The following ADAMTS16 variants were observed in gnomAD, a reference collection of about 807,000 sequenced individuals.
The protein encoded by ADAMTS16 is A disintegrin and metalloproteinase with thrombospondin motifs 16.
In ADAMTS16, 94 loss-of-function variants were observed where a neutral mutation model predicts 145.8. The ratio of observed to expected loss-of-function variants is 0.64; its 90% CI spans 0.55 to 0.77. The LOEUF (loss-of-function observed/expected upper bound fraction) is 0.77, where lower values mean the gene tolerates loss of function less well. ADAMTS16 is among the 30% of genes least tolerant of loss of function. The probability of loss-of-function intolerance (pLI) is 0.00; values close to 1 mark genes in which losing one functional copy is unlikely to be tolerated. For missense variants in ADAMTS16, 1,585 were observed against 1,591.5 expected (o/e 1.00, Z 0.07); for synonymous variants, 659 against 604.3 (o/e 1.09, Z -1.33).
chr5:5,150,379 C>T (rs1734417587), intron 3 of ADAMTS16, among the ~76,000 whole-genome samples: 1 of 152,168 alleles, frequency 6.6e-6, no homozygotes, highest in African/African-American at 2.4e-5. Flanking sequence ...GGCTTTATTA[C>T]TTAGAGATAG....
At chr5:5,298,814 T>C (rs1311151303) in intron 18 of ADAMTS16, among the ~76,000 whole-genome samples, 1 of 152,208 alleles carries the variant, frequency 6.6e-6, no homozygotes, top group East Asian at 1.9e-4. Flanking sequence ...TGTCAGACCA[T>C]GTTGGCAGCT....
chr5:5,220,453 C>T lies in ADAMTS16; in HGVS notation c.1606-2336C>T, dbSNP rs937096691. On this transcript the variant is annotated intron_variant, in intron 10 of 22. Coordinates refer to ENST00000274181, the MANE Select transcript of ADAMTS16 (RefSeq NM_139056.4). ...GATTACAGGTGTGAGCCACCGCGCC[C>T]GGCCAATAATTTAACATTTTAAAAC... 1.2e-4 allele frequency among the ~76,000 whole-genome samples: 19 copies of T among 152,048 alleles called. No homozygotes were observed. In the South Asian group the frequency reaches 1.9e-3, roughly 15 times the overall value.
At chr5:5,176,440 G>C (rs1025790896) in intron 3 of ADAMTS16, among the ~76,000 whole-genome samples, 1 of 152,194 alleles carries the variant, frequency 6.6e-6, no homozygotes, top group Admixed American at 6.5e-5. Flanking sequence ...AGATTAGATT[G>C]TAGAGTTTGG....
intron 3 of ADAMTS16, among the ~76,000 whole-genome samples, chr5:5,150,797 G>C (rs1734432576): frequency 6.6e-6 from 1 of 152,160 alleles, no homozygotes; most frequent in African/African-American, 2.4e-5. Context: ...GTTTTTTGTT[G>C]TTTTACTTTC....
At chr5:5,145,180 T>C (rs1015847753) in intron 2 of ADAMTS16, among the ~76,000 whole-genome samples, 6 of 152,222 alleles carry the variant, frequency 3.9e-5, no homozygotes, top group African/African-American at 1.4e-4. Context: ...AAATACGTCT[T>C]TCCCATTTAT....
At chr5:5,233,016 C>T (rs1736982696) in intron 12 of ADAMTS16, among the ~76,000 whole-genome samples, 2 of 130,470 alleles carry the variant, frequency 1.5e-5, no homozygotes, top group African/African-American at 5.2e-5. Flanking sequence ...ACTTAAGATG[C>T]TTATAACTAC....
chr5:5,173,945 CT>C (rs905001965), intron 3 of ADAMTS16, among the ~76,000 whole-genome samples: 6 of 152,106 alleles, frequency 3.9e-5, no homozygotes, highest in African/African-American at 1.4e-4. Flanking sequence ...GATGGTTCAT[CT>C]TTTAGTCTTT....
intron 3 of ADAMTS16, among the ~76,000 whole-genome samples, chr5:5,168,696 AT>A (rs1156612273): frequency 1.4e-3 from 176 of 127,740 alleles, no homozygotes; most frequent in African/African-American, 4.7e-3. Context: ...AATTATATAA[AT>A]ATAATATATA....
intron 4 of ADAMTS16, among the ~76,000 whole-genome samples, chr5:5,183,834 T>C (rs1735415298): frequency 6.6e-6 from 1 of 152,146 alleles, no homozygotes. Context: ...GTAATAGTGG[T>C]GGTAAGTGAA....
At chr5:5,255,517 C>G (rs1375139994) in intron 17 of ADAMTS16, among the ~76,000 whole-genome samples, 1 of 152,182 alleles carries the variant, frequency 6.6e-6, no homozygotes, top group African/African-American at 2.4e-5. Context: ...AAGTGATTCC[C>G]AGGAAAATGC....
At chr5:5,179,779 T>A (rs1172496854) in intron 3 of ADAMTS16, among the ~76,000 whole-genome samples, 1 of 152,190 alleles carries the variant, frequency 6.6e-6, no homozygotes, top group East Asian at 1.9e-4. Context: ...TGTGTGGTAT[T>A]TGGGCCCCAG....
chr5:5,266,539 A>C (rs749320506), intron 18 of ADAMTS16, among the ~76,000 whole-genome samples: 3 of 152,198 alleles, frequency 2.0e-5, no homozygotes, highest in Non-Finnish European at 4.4e-5. Context: ...AGAAGAGTTC[A>C]TTTAAATCAC....
chr5:5,214,966 A>G (rs929352063), intron 10 of ADAMTS16, among the ~76,000 whole-genome samples: 1 of 152,210 alleles, frequency 6.6e-6, no homozygotes, highest in Non-Finnish European at 1.5e-5. Context: ...ACAAGAAATA[A>G]CAATAAGAAG....
In ADAMTS16 at chr5:5,253,646, G is replaced by A. The variant is rs115685401; in HGVS notation, c.2663-9011G>A. Among the ~76,000 whole-genome samples the A allele has an allele frequency of 6.2e-3, 948 of 152,086 alleles. 10 individuals are homozygous for A. Among genetic ancestry groups the A allele is most frequent in the African/African-American group, 0.021 (886 of 41,484 alleles). On this transcript the variant is annotated intron_variant, in intron 17 of 22. Coordinates refer to ENST00000274181, the MANE Select transcript of ADAMTS16 (RefSeq NM_139056.4). Reference sequence around the variant, plus strand: ...AATGCAACCCGCACTTCCTGCTTGCGTTCCCACCCAGGGACCACCAACTCA... The same window carrying A: ...AATGCAACCCGCACTTCCTGCTTGCATTCCCACCCAGGGACCACCAACTCA...
intron 12 of ADAMTS16, among the ~76,000 whole-genome samples, chr5:5,234,237 G>C (rs1432847792): frequency 6.6e-6 from 1 of 152,248 alleles, no homozygotes; most frequent in Admixed American, 6.5e-5. Flanking sequence ...AAAGGTGACT[G>C]GTTCTTTAGT....
intron 17 of ADAMTS16, among the ~76,000 whole-genome samples, chr5:5,246,474 C>T (rs190524536): frequency 2.0e-5 from 3 of 152,112 alleles, no homozygotes; most frequent in Non-Finnish European, 4.4e-5. Flanking sequence ...TGATTGAAAT[C>T]GCTTGCAAAC....
intron 3 of ADAMTS16, among the ~76,000 whole-genome samples, chr5:5,146,692 C>A (rs144591986): frequency 1.1e-3 from 160 of 152,280 alleles, no homozygotes; most frequent in African/African-American, 3.7e-3. Context: ...TTATTGTGGA[C>A]GAGCACTTCA....
intron 21 of ADAMTS16, among the ~76,000 whole-genome samples, chr5:5,308,949 CAAAA>C (rs56068510): frequency 2.3e-5 from 2 of 87,158 alleles, no homozygotes; most frequent in African/African-American, 4.4e-5. Context: ...GACTCCGTCT[CAAAA>C]AAAAAAAAAA....
chr5:5,237,859 T>G (rs566858666), intron 14 of ADAMTS16, among the ~76,000 whole-genome samples: 5 of 152,124 alleles, frequency 3.3e-5, no homozygotes, highest in Admixed American at 6.5e-5. Flanking sequence ...TTACCCTGAT[T>G]GGCAGAGGGA....
Sources: gnomAD v4.1 joint callset for allele counts (sites outside exome capture counted in the v4.1 genomes callset) on GRCh38, gnomAD v4.1.1 for gene constraint, MANE v1.5 for transcripts, NCBI Gene and HGNC (gene_info 2026-07-23, HGNC 2026-07-21) for gene names.